Variants in C14orf180 observed in about 807,000 individuals in gnomAD.
C14orf180 encodes the protein nutritionally-regulated adipose and cardiac enriched protein homolog.
C14orf180 carries 13 observed loss-of-function variants against 13.9 expected under a neutral mutation model. The observed-to-expected ratio is 0.94, with a 90% CI of 0.61 to 1.49. C14orf180 has a LOEUF of 1.49. Among genes scored for constraint, C14orf180 ranks in the 40% most tolerant of loss-of-function variants. C14orf180 has a pLI of 0.00. For missense variants in C14orf180, 238 were observed against 232.0 expected (o/e 1.03, Z -0.17); for synonymous variants, 113 against 106.3 (o/e 1.06, Z -0.39).
Position 104,589,205 on chromosome 14 carries a change from A to T in C14orf180, c.*422A>T. 1 of 319,952 alleles carries T rather than the reference A, an allele frequency of 3.1e-6. No individual in the cohort carries two copies. Among genetic ancestry groups the T allele is most frequent in the Non-Finnish European group, 5.7e-6 (1 of 176,550 alleles). The allele number at this position is 319,952 out of a possible 1,614,324, so 19.8% of individuals were successfully genotyped here. On this transcript the variant is annotated 3_prime_UTR_variant, in exon 5 of 5. Transcript: ENST00000557649. The surrounding 1 kb of genome is among the most constrained non-coding windows in gnomAD (Gnocchi z 4.9). ...CCGTGTTCAAGGGGCTGCTCGGAGGAGGCAAACCCAGCCTTTTGCGATTAT... is the reference window on the plus strand; with the variant it reads ...CCGTGTTCAAGGGGCTGCTCGGAGGTGGCAAACCCAGCCTTTTGCGATTAT...
At position 104,588,918 on chromosome 14, in the gene C14orf180, T is replaced by A. The variant is rs1886746369; in HGVS notation, c.*135T>A. The A allele has an allele frequency of 6.9e-7, 1 of 1,447,916 alleles. No homozygotes were observed. The highest frequency in any genetic ancestry group is 2.6e-5 in the East Asian group (1 of 39,044). 89.7% of individuals were successfully genotyped at this position (1,447,916 alleles called of 1,614,324 possible). The stretch of plus-strand genomic sequence containing the variant: ...AAGGGGCTGCTGCCTGAGGGCTAAC[T>A]AGGAAAAGGGGGACCCCGTGGCGTG... On this transcript the variant is annotated 3_prime_UTR_variant, in exon 5 of 5. Coordinates refer to ENST00000557649, the MANE Select transcript of C14orf180 (RefSeq NM_001008404.3).
At position 104,588,681 on chromosome 14, in the gene C14orf180, C is replaced by T. The variant is rs374323036; in HGVS notation, c.381C>T (p.Pro127=). The T allele has an allele frequency of 1.0e-4, 160 of 1,535,050 alleles. No homozygotes were observed. Among genetic ancestry groups the T allele is most frequent in the African/African-American group, 2.6e-4 (19 of 73,014 alleles). Residue 127 remains proline (P), a synonymous_variant, in exon 5 of 5, where the codon CCC becomes CCT. Coordinates refer to ENST00000557649, the MANE Select transcript of C14orf180 (RefSeq NM_001008404.3). The part of the protein sequence containing the change: ...ALGLYCGRAK[P]VATALEDLRA... ...GCCTATACTGCGGCCGGGCCAAGCC[C>T]GTGGCAACGGCACTGGAGGACCTGC...
Position 104,589,080 on chromosome 14 carries a change from C to T in C14orf180, c.*297C>T. ...TAACAGTTGAGGCTCCCCAGGCTCA[C>T]CCAAAGACCCCTCCCTCGTCCCAGC... On this transcript the variant is annotated 3_prime_UTR_variant, in exon 5 of 5. Coordinates refer to ENST00000557649, the MANE Select transcript of C14orf180 (RefSeq NM_001008404.3). This position sits in a 1 kb window ranked among gnomAD's most constrained non-coding sequence, Gnocchi z 4.9. 1 of 551,450 alleles carries T rather than the reference C, an allele frequency of 1.8e-6. No individual in the cohort carries two copies. The highest frequency in any genetic ancestry group is 2.9e-5 in the South Asian group (1 of 33,940). 34.2% of individuals were successfully genotyped at this position (551,450 alleles called of 1,614,324 possible).
At chr14:104,586,707 C>A (rs1484313771) in intron 2 of C14orf180, among the ~76,000 whole-genome samples, 166 bp downstream of exon 2, 5 of 146,388 alleles carry the variant, frequency 3.4e-5, no homozygotes, top group African/African-American at 1.0e-4. Context: ...CAGCGGGGGG[C>A]AATGGGTGCC....
In C14orf180 at chr14:104,586,410, CT is replaced by C; in HGVS notation, c.-16-3del. ...AATAATAAATAACGTCTCTGCTTAT[CT>C]TAGGACCATGTTCCAGTAAATGAGG... On this transcript the variant is annotated splice_region_variant and splice_polypyrimidine_tract_variant and intron_variant, in intron 1 of 4. Transcript: ENST00000557649. 6.8e-7 allele frequency: 1 copy of C among 1,470,930 alleles called. No homozygotes were observed. Among genetic ancestry groups the C allele is most frequent in the Non-Finnish European group, 9.1e-7 (1 of 1,098,246 alleles). 91.1% of individuals were successfully genotyped at this position (1,470,930 alleles called of 1,614,324 possible).
chr14:104,586,880 G>C (rs1886647238), intron 2 of C14orf180, among the ~76,000 whole-genome samples: 1 of 152,196 alleles, frequency 6.6e-6, no homozygotes, highest in East Asian at 1.9e-4. Context: ...CTGTCACCAA[G>C]GGTCAGTGTT....
chr14:104,582,231 G>A (rs923236703), intron 1 of C14orf180, among the ~76,000 whole-genome samples: 2 of 152,168 alleles, frequency 1.3e-5, no homozygotes, highest in Admixed American at 6.5e-5. Flanking sequence ...GGACGGGGCA[G>A]GAGTGGGAGG....
chr14:104,582,635 T>C (rs1886475188), intron 1 of C14orf180, among the ~76,000 whole-genome samples: 1 of 152,032 alleles, frequency 6.6e-6, no homozygotes, highest in Non-Finnish European at 1.5e-5. Flanking sequence ...GGCCTCAGTT[T>C]CCCCTCCGCC....
intron 2 of C14orf180, among the ~76,000 whole-genome samples, chr14:104,587,213 C>G (rs531960298): frequency 6.6e-6 from 1 of 152,188 alleles, no homozygotes; most frequent in Non-Finnish European, 1.5e-5. Context: ...GGCCCATACA[C>G]GTGAGCAGAC....
chr14:104,586,379 G>A, intron 1 of C14orf180, 36 bp from the exon 2 acceptor site: 1 of 1,270,516 alleles, frequency 7.9e-7, no homozygotes, highest in Non-Finnish European at 1.1e-6. Flanking sequence ...TGCCACTTGT[G>A]CAGTAAATAA....
At chr14:104,582,325 A>C (rs1886464551) in intron 1 of C14orf180, among the ~76,000 whole-genome samples, 1 of 151,996 alleles carries the variant, frequency 6.6e-6, no homozygotes, top group Non-Finnish European at 1.5e-5. Flanking sequence ...CCCACGCCCC[A>C]CTGCAGGCTG....
At chr14:104,586,614 C>A in intron 2 of C14orf180, 73 bp downstream of exon 2, 1 of 957,092 alleles carries the variant, frequency 1.0e-6, no homozygotes, top group South Asian at 2.0e-5. Flanking sequence ...CAGGGAGCAA[C>A]AGACGTGGAA....
intron 2 of C14orf180, 39 bp from the exon 3 acceptor site, chr14:104,587,710 G>A (rs373047135): frequency 6.1e-5 from 98 of 1,606,582 alleles, no homozygotes; most frequent in Admixed American, 4.6e-4. Context: ...GCGGCCTCCC[G>A]CCGGGGACTC....
At chr14:104,586,670 A>T in intron 2 of C14orf180, 129 bp downstream of exon 2, 10 of 68,256 alleles carry the variant, frequency 1.5e-4, no homozygotes, top group Non-Finnish European at 2.5e-4. Context: ...GGAGGAGGGC[A>T]GGGGGATCAC....
rs144973367 is a variant in C14orf180, at chr14:104,587,746, C to T, written c.112-3C>T. The stretch of plus-strand genomic sequence containing the variant: ...ACCAGTCTGCTTCCCGCCCCCACAC[C>T]AGGAGGACAACAGGAAGTGCCCCCC... On this transcript the variant is annotated splice_polypyrimidine_tract_variant and splice_region_variant and intron_variant, in intron 2 of 4. Transcript: ENST00000557649. 901 of 1,612,354 alleles carry T rather than the reference C, an allele frequency of 5.6e-4. 3 individuals carry two copies. The African/African-American group carries it at 0.01, about 18-fold the overall frequency.
chr14:104,586,441 C>T lies in C14orf180; in HGVS notation c.11C>T (p.Ala4Val). ...ACCATGTTCCAGTAAATGAGGACTG[C>T]AGCAGGAGCCGTGAGCCCTGACTCC... MRT[A>V]AGAVSPDSRP... is the part of the protein sequence containing the mutation. Residue 4 changes from alanine (A) to valine (V), a missense_variant, in exon 2 of 5, where the codon GCA (alanine) becomes GTA (valine). Transcript: ENST00000557649. The T allele has an allele frequency of 6.5e-7, 1 of 1,534,990 alleles. No individual in the cohort carries two copies. The highest frequency in any genetic ancestry group is 1.4e-5 in the African/African-American group (1 of 72,490).
intron 1 of C14orf180, among the ~76,000 whole-genome samples, chr14:104,580,360 G>T (rs1378087413): frequency 6.6e-6 from 1 of 152,234 alleles, no homozygotes. Flanking sequence ...GGCCGCCTCT[G>T]GGGGAAGCAG....
At chr14:104,583,249 G>C (rs542334400) in intron 1 of C14orf180, among the ~76,000 whole-genome samples, 1 of 152,294 alleles carries the variant, frequency 6.6e-6, no homozygotes, top group East Asian at 1.9e-4. Flanking sequence ...CCTGGGAGCA[G>C]AGCGTGGCCC....
rs994005845 is a variant in C14orf180, at chr14:104,587,895, A to C, written c.241+17A>C. The C allele has an allele frequency of 2.5e-6, 4 of 1,595,590 alleles. No individual in the cohort carries two copies. In the Admixed American group the frequency reaches 5.2e-5, roughly 21 times the overall value. On this transcript the variant is annotated intron_variant, in intron 3 of 4. Coordinates refer to ENST00000557649, the MANE Select transcript of C14orf180 (RefSeq NM_001008404.3). ...CCGTCCACTGTAAGAGGGCACCCGC[A>C]GCAAGCAGCTGGGAGAGGGTGGAGT...
Sources: gnomAD v4.1 joint callset for allele counts (sites outside exome capture counted in the v4.1 genomes callset) on GRCh38, gnomAD v4.1.1 for gene constraint, Gnocchi (gnomAD v3.1) non-coding constraint, MANE v1.5 for transcripts, NCBI Gene and HGNC (gene_info 2026-07-23, HGNC 2026-07-21) for gene names.